NLRP14: variants seen among roughly 807,000 people sequenced by gnomAD.
NLRP14 encodes NLR family pyrin domain containing 14, also known as NACHT, LRR and PYD domains-containing protein 14.
NLRP14 carries 105 observed loss-of-function variants against 94.7 expected under a neutral mutation model. The observed-to-expected ratio is 1.11, with a 90% CI of 0.95 to 1.30. NLRP14 has a LOEUF of 1.30. NLRP14 is among the 50% of genes most tolerant of loss of function. The pLI, the probability that NLRP14 is intolerant of heterozygous loss-of-function variation, is 0.00. For missense variants in NLRP14, 1,362 were observed against 1,254.1 expected (o/e 1.09, Z -1.30); for synonymous variants, 508 against 459.9 (o/e 1.10, Z -1.34).
rs144833008 is a variant in NLRP14 at position 7,043,400 on chromosome 11, T to C, written c.1374T>C (p.Ser458=). Residue 458 remains serine (S), a synonymous_variant, in exon 4 of 12, where the codon TCT becomes TCC. Coordinates refer to ENST00000299481, the MANE Select transcript of NLRP14 (RefSeq NM_176822.4). ...RRLGLTQSDV[S]SFMDSNIIQK... ...TTGGGTTAACTCAATCTGATGTCTC[T>C]AGTTTTATGGACAGCAATATTATTC... is the stretch of plus-strand genomic sequence containing the variant. 4 of 1,614,006 alleles carry C rather than the reference T, an allele frequency of 2.5e-6. No individual in the cohort carries two copies. Among genetic ancestry groups the C allele is most frequent in the Non-Finnish European group, 3.4e-6 (4 of 1,179,940 alleles).
chr11:7,021,363 G>A (rs1336724895), intron 1 of NLRP14, among the ~76,000 whole-genome samples: 1 of 152,174 alleles, frequency 6.6e-6, no homozygotes, highest in Admixed American at 6.5e-5. Context: ...GGGGTGGGTG[G>A]CCCAGCGCCT....
the NLRP14 span, among the ~76,000 whole-genome samples, chr11:7,081,444 C>T: frequency 1.3e-5 from 2 of 151,878 alleles, no homozygotes; most frequent in Non-Finnish European, 2.9e-5. Flanking sequence ...ACAGAGTCCT[C>T]TGATGAGAAC....
At chr11:7,062,671 T>C (rs1589871990) in intron 10 of NLRP14, among the ~76,000 whole-genome samples, 168 bp downstream of exon 10, 1 of 152,100 alleles carries the variant, frequency 6.6e-6, no homozygotes, top group Admixed American at 6.6e-5. Context: ...GTACTGCATG[T>C]TCTTTAGTAT....
At chr11:7,041,411 C>T (rs528072975) in intron 3 of NLRP14, among the ~76,000 whole-genome samples, 55 of 152,230 alleles carry the variant, frequency 3.6e-4, no homozygotes, top group African/African-American at 1.3e-3. Flanking sequence ...TTTTCAGATA[C>T]ATAAAGTTTG....
At chr11:7,080,887 G>A in the NLRP14 span, among the ~76,000 whole-genome samples, 1 of 152,172 alleles carries the variant, frequency 6.6e-6, no homozygotes, top group Non-Finnish European at 1.5e-5. Flanking sequence ...CAGACTAAAA[G>A]TATATATTGG....
intron 1 of NLRP14, among the ~76,000 whole-genome samples, chr11:7,030,273 A>G (rs1486486555): frequency 1.3e-5 from 2 of 152,206 alleles, no homozygotes; most frequent in East Asian, 3.9e-4. Flanking sequence ...GTCATGTAGG[A>G]TTTGAATGAA....
the NLRP14 span, among the ~76,000 whole-genome samples, chr11:7,077,120 T>C: frequency 6.6e-6 from 1 of 152,200 alleles, no homozygotes; most frequent in African/African-American, 2.4e-5. Context: ...TTTCTGGTTG[T>C]CTTTTTACAT....
intron 1 of NLRP14, among the ~76,000 whole-genome samples, chr11:7,023,365 AATAT>A (rs914120598): frequency 2.7e-5 from 4 of 146,562 alleles, no homozygotes; most frequent in Non-Finnish European, 6.0e-5. Context: ...TACATATATA[AATAT>A]ATATATCATG....
chr11:7,054,609 A>G (rs1852493119), intron 6 of NLRP14, among the ~76,000 whole-genome samples: 1 of 152,080 alleles, frequency 6.6e-6, no homozygotes, highest in African/African-American at 2.4e-5. Context: ...TTTGAGAAAT[A>G]TCTATTCAGA....
intron 5 of NLRP14, among the ~76,000 whole-genome samples, chr11:7,048,440 G>A (rs759740320): frequency 1.3e-5 from 2 of 152,058 alleles, no homozygotes; most frequent in Non-Finnish European, 2.9e-5. Flanking sequence ...TACATTTGTT[G>A]CTTAGTATGA....
intron 6 of NLRP14, among the ~76,000 whole-genome samples, chr11:7,055,433 G>A (rs1424256062): frequency 6.6e-6 from 1 of 152,000 alleles, no homozygotes; most frequent in African/African-American, 2.4e-5. Context: ...AATAAATTAC[G>A]AAGTTCTTGA....
chr11:7,048,702 T>TC (rs982684305), intron 5 of NLRP14, among the ~76,000 whole-genome samples: 12 of 152,262 alleles, frequency 7.9e-5, no homozygotes, highest in African/African-American at 2.9e-4. Flanking sequence ...CCTAAACATT[T>TC]CCCCCATATT....
chr11:7,089,407 C>T, the NLRP14 span: 7 of 1,584,972 alleles, frequency 4.4e-6, no homozygotes, highest in Admixed American at 1.8e-5. Flanking sequence ...CGGCGGGGCC[C>T]GCCGCCTCCC....
At chr11:7,068,140 T>C (rs1283987495) in intron 10 of NLRP14, among the ~76,000 whole-genome samples, 1 of 152,166 alleles carries the variant, frequency 6.6e-6, no homozygotes, top group African/African-American at 2.4e-5. Flanking sequence ...ATTTCTGATA[T>C]TGAATTTGAC....
At chr11:7,087,927 C>T in the NLRP14 span, among the ~76,000 whole-genome samples, 30 of 152,074 alleles carry the variant, frequency 2.0e-4, no homozygotes, top group African/African-American at 4.3e-4. Flanking sequence ...ACCAGAAATA[C>T]GTAGCAATTC....
chr11:7,046,984 A>G (rs551127245), intron 5 of NLRP14, 152 bp downstream of exon 5: 183 of 703,434 alleles, frequency 2.6e-4, no homozygotes, highest in Non-Finnish European at 4.0e-4. Context: ...CTCTGGGGAC[A>G]TGGGATCATT....
chr11:7,043,922 G>C lies in NLRP14; in HGVS notation c.1896G>C (p.Arg632Ser), dbSNP rs139260592. ...ACTGCCGGTGTTTGCGGACCATCAG[G>C]CTGTCTGTAACTGTGGTATTTGAGA... ...LKHCRCLRTI[R>S]LSVTVVFEKK... The change falls in exon 4 of 12, where the codon AGG (arginine) becomes AGC (serine). Residue 632 changes from arginine (R) to serine (S), a missense_variant. Transcript: ENST00000299481. The C allele has an allele frequency of 3.7e-6, 6 of 1,614,112 alleles. No individual in the cohort carries two copies. Among genetic ancestry groups the C allele is most frequent in the Admixed American group, 3.3e-5 (2 of 60,008 alleles).
At chr11:7,059,829 AG>A in intron 8 of NLRP14, 64 bp from the exon 9 acceptor site, 1 of 1,386,098 alleles carries the variant, frequency 7.2e-7, no homozygotes, top group Non-Finnish European at 1.0e-6. Flanking sequence ...AAATCTCTTC[AG>A]AGAAAGAAAT....
In NLRP14 at chr11:7,070,437, T is replaced by C; in HGVS notation, c.3127T>C (p.Cys1043Arg). The C allele has an allele frequency of 1.2e-6, 2 of 1,611,278 alleles. No individual in the cohort carries two copies. The highest frequency in any genetic ancestry group is 1.7e-6 in the Non-Finnish European group (2 of 1,177,784). Residue 1043 changes from cysteine (C) to arginine (R), a missense_variant, in exon 11 of 12, where the codon TGT (cysteine) becomes CGT (arginine). Physicochemically the swap from Cys to Arg is radical, Grantham distance 180 (BLOSUM62 -3). Transcript: ENST00000299481. ...ATATAAAGTCTTGAAGTCTCCTAAGTGTAAACTACAAGTTCTAGGGTAAGT... is the reference window on the plus strand; with the variant it reads ...ATATAAAGTCTTGAAGTCTCCTAAGCGTAAACTACAAGTTCTAGGGTAAGT... ...KLYKVLKSPKCKLQVLGLCKE... is the reference protein window; with the variant it reads ...KLYKVLKSPKRKLQVLGLCKE...
Sources: allele counts gnomAD v4.1 joint callset (sites outside exome capture counted in the v4.1 genomes callset), GRCh38; gene constraint gnomAD v4.1.1; transcripts MANE v1.5; gene names NCBI Gene and HGNC (gene_info 2026-07-23, HGNC 2026-07-21).